The following GABBR1 variants were observed in gnomAD, a reference collection of about 807,000 sequenced individuals.
The protein encoded by GABBR1 is gamma-aminobutyric acid type B receptor subunit 1.
In GABBR1, 35 loss-of-function variants were observed where a neutral mutation model predicts 117.7. The ratio of observed to expected loss-of-function variants is 0.30; its 90% CI spans 0.23 to 0.39. The LOEUF is 0.39. Ranked by LOEUF, GABBR1 falls within the 10% of genes least tolerant of loss-of-function variation. GABBR1 has a pLI of 1.00. For missense variants in GABBR1, 709 were observed against 1,241.8 expected (o/e 0.57, Z 6.45); for synonymous variants, 442 against 486.6 (o/e 0.91, Z 1.21).
Position 29,611,012 on chromosome 6 carries a change from G to A in GABBR1, c.1631-11C>T, listed in dbSNP as rs773319475. ...TCTTGTAGCTGCCACCTGGGCAGACGACAATAAAAGGAGTGACCACAGGTA... is the reference window on the plus strand; with the variant it reads ...TCTTGTAGCTGCCACCTGGGCAGACAACAATAAAAGGAGTGACCACAGGTA... On this transcript the variant is annotated splice_polypyrimidine_tract_variant and intron_variant, in intron 13 of 22. Transcript: ENST00000377034. This position sits in a 1 kb window ranked among gnomAD's most constrained non-coding sequence, Gnocchi z 4.6. 5.6e-6 allele frequency: 9 copies of A among 1,609,464 alleles called. No individual in the cohort carries two copies. The highest frequency in any genetic ancestry group is 3.3e-5 in the South Asian group (3 of 90,986).
intron 11 of GABBR1, among the ~76,000 whole-genome samples, chr6:29,615,609 T>TAA (rs28751302): frequency 2.6e-4 from 32 of 121,412 alleles, no homozygotes; most frequent in Admixed American, 9.5e-4. Context: ...ACTCTGCCTT[T>TAA]AAAAAAAAAA....
chr6:29,611,092 T>C lies in GABBR1; in HGVS notation c.1631-91A>G. On this transcript the variant is annotated intron_variant, in intron 13 of 22. Transcript: ENST00000377034. The surrounding 1 kb of genome is among the most constrained non-coding windows in gnomAD (Gnocchi z 4.6). ...CTTCCCACTTCCCTAGAGCTTTGCA[T>C]GGTTGTATCTGATTTTATTTTCACC... The C allele has an allele frequency of 3.1e-6, 3 of 980,932 alleles. No homozygotes were observed. In the East Asian group the frequency reaches 7.3e-5, roughly 24 times the overall value. 60.8% of individuals were successfully genotyped at this position (980,932 alleles called of 1,614,324 possible). A position where few individuals can be genotyped will look rare whatever the true frequency, so the allele number is the denominator to read the frequency against.
At position 29,603,403 on chromosome 6, in the gene GABBR1, G is replaced by A. The variant is rs55650674; in HGVS notation, c.*140C>T. ...ACCCAAATCAGCCCAGAACTCACAG[G>A]GGGACATGTATTTACAAGAGATGAG... On this transcript the variant is annotated 3_prime_UTR_variant, in exon 23 of 23. Transcript: ENST00000377034. 11,076 of 778,918 alleles carry A rather than the reference G, an allele frequency of 0.014. 292 individuals are homozygous for A. The highest frequency in any genetic ancestry group is 0.068 in the East Asian group (2,553 of 37,526). 48.3% of individuals were successfully genotyped at this position (778,918 alleles called of 1,614,324 possible). A position where few individuals can be genotyped will look rare whatever the true frequency, so the allele number is the denominator to read the frequency against.
Position 29,631,307 on chromosome 6 carries a change from T to A in GABBR1, c.289+89A>T, listed in dbSNP as rs1486716873. The A allele has an allele frequency of 1.8e-5, 23 of 1,308,060 alleles. No individual in the cohort carries two copies. The highest frequency in any genetic ancestry group is 1.4e-5 in the Non-Finnish European group (13 of 918,842). 81.0% of individuals were successfully genotyped at this position (1,308,060 alleles called of 1,614,324 possible). On this transcript the variant is annotated intron_variant, in intron 3 of 22. Transcript: ENST00000377034. The surrounding 1 kb of genome is among the most constrained non-coding windows in gnomAD (Gnocchi z 5.9). ...TTTGTGAATTTTGGTATACTGGATT[T>A]AAAGTGCTGACTTGCAAGCAGTAAT...
chr6:29,604,175 C>T lies in GABBR1; in HGVS notation c.2712+319G>A, dbSNP rs909213591. On this transcript the variant is annotated intron_variant, in intron 22 of 22. Coordinates refer to ENST00000377034, the MANE Select transcript of GABBR1 (RefSeq NM_001470.4). This position sits in a 1 kb window ranked among gnomAD's most constrained non-coding sequence, Gnocchi z 5.3. ...AGTGTTGACTACTAGAGGCTCACAG[C>T]TGCCTCTCTCCAGTTGTCACCTACA... Among the ~76,000 whole-genome samples, 1 of 152,106 alleles carries T rather than the reference C, an allele frequency of 6.6e-6. No homozygotes were observed. The highest frequency in any genetic ancestry group is 2.4e-5 in the African/African-American group (1 of 41,436).
intron 11 of GABBR1, among the ~76,000 whole-genome samples, chr6:29,614,600 G>C (rs950136941): frequency 3.3e-5 from 5 of 152,140 alleles, no homozygotes; most frequent in African/African-American, 1.2e-4. Flanking sequence ...AGATGCAATG[G>C]GCCTAGGTTC....
Position 29,623,547 on chromosome 6 carries a change from T to C in GABBR1, c.793-72A>G. ...CACCAAGAGTGGCCAAGAGTTCCTT[T>C]AACCCTCTTCCTGCCTTTGGGTTTC... On this transcript the variant is annotated intron_variant, in intron 7 of 22. Transcript: ENST00000377034. The surrounding 1 kb of genome is among the most constrained non-coding windows in gnomAD (Gnocchi z 6.2). 1.4e-6 allele frequency: 2 copies of C among 1,458,182 alleles called. No homozygotes were observed. The highest frequency in any genetic ancestry group is 1.9e-6 in the Non-Finnish European group (2 of 1,058,248). 90.3% of individuals were successfully genotyped at this position (1,458,182 alleles called of 1,614,324 possible).
In GABBR1 at chr6:29,621,611, G is replaced by A. The variant is rs189892158; in HGVS notation, c.1131+141C>T. ...TGTGCAGACAAGGGATGCAGTCAGA[G>A]CCAACAGACAGAGACATCCTATGAA... On this transcript the variant is annotated intron_variant, in intron 10 of 22. Coordinates refer to ENST00000377034, the MANE Select transcript of GABBR1 (RefSeq NM_001470.4). This position sits in a 1 kb window ranked among gnomAD's most constrained non-coding sequence, Gnocchi z 5.0. 2.4e-4 allele frequency: 178 copies of A among 744,948 alleles called. 1 individual carries two copies. In the African/African-American group the frequency reaches 2.9e-3, roughly 12 times the overall value. The allele number at this position is 744,948 out of a possible 1,614,324, so 46.1% of individuals were successfully genotyped here.
Position 29,607,301 on chromosome 6 carries a change from G to C in GABBR1, c.1993-83C>G. ...TAAGGATGGGCAGAACCCTAAGGGA[G>C]AGTGGGCAGGGAGCACGGGCAGGGA... On this transcript the variant is annotated intron_variant, in intron 16 of 22. Transcript: ENST00000377034. This position sits in a 1 kb window ranked among gnomAD's most constrained non-coding sequence, Gnocchi z 5.0. 2.7e-6 allele frequency: 3 copies of C among 1,111,948 alleles called. No homozygotes were observed. Among genetic ancestry groups the C allele is most frequent in the Non-Finnish European group, 4.1e-6 (3 of 734,016 alleles). 68.9% of individuals were successfully genotyped at this position (1,111,948 alleles called of 1,614,324 possible).
intron 5 of GABBR1, chr6:29,628,111 CGGGCGGGAGCTGGGGAGGCAGGAAGG>C: frequency 9.1e-6 from 1 of 109,358 alleles, no homozygotes; most frequent in Non-Finnish European, 1.4e-5. Flanking sequence ...GGTGGGGGGG[CGGGCGGGAGCTGGGGAGGCAGGAAGG>C]GGGCGGGGAG....
At position 29,630,415 on chromosome 6, in the gene GABBR1, C is replaced by T. The variant is rs376213622; in HGVS notation, c.475+43G>A. Reference sequence around the variant, plus strand: ...TTCCCACCCCACTCCCATCCTCACACAAGCGTCCTCATCAGCTGCATGCAG... The same window carrying T: ...TTCCCACCCCACTCCCATCCTCACATAAGCGTCCTCATCAGCTGCATGCAG... On this transcript the variant is annotated intron_variant, in intron 4 of 22. Coordinates refer to ENST00000377034, the MANE Select transcript of GABBR1 (RefSeq NM_001470.4). The surrounding 1 kb of genome is among the most constrained non-coding windows in gnomAD (Gnocchi z 4.9). 1 of 1,559,484 alleles carries T rather than the reference C, an allele frequency of 6.4e-7. No homozygotes were observed. Among genetic ancestry groups the T allele is most frequent in the South Asian group, 1.1e-5 (1 of 89,652 alleles).
intron 5 of GABBR1, 25 bp downstream of exon 5, chr6:29,629,062 G>A: frequency 1.2e-6 from 2 of 1,612,536 alleles, no homozygotes; most frequent in African/African-American, 1.3e-5. Flanking sequence ...ATTGCAGTGC[G>A]CGCGGTAAGG....
At position 29,621,620 on chromosome 6, in the gene GABBR1, CAG is replaced by C. The variant is rs25629; in HGVS notation, c.1131+130_1131+131del. On this transcript the variant is annotated intron_variant, in intron 10 of 22. Transcript: ENST00000377034. This position sits in a 1 kb window ranked among gnomAD's most constrained non-coding sequence, Gnocchi z 5.0. ...AAGGGATGCAGTCAGAGCCAACAGA[CAG>C]AGACATCCTATGAATCGTCACCTCA... 9,338 of 781,484 alleles carry C rather than the reference CAG, an allele frequency of 0.012. 333 individuals are homozygous for C. The highest frequency in any genetic ancestry group is 0.1 in the African/African-American group (5,973 of 57,712). The allele number at this position is 781,484 out of a possible 1,614,324, so 48.4% of individuals were successfully genotyped here.
chr6:29,625,375 T>C (rs1004485657), intron 6 of GABBR1, among the ~76,000 whole-genome samples: 6 of 152,152 alleles, frequency 3.9e-5, no homozygotes, highest in Admixed American at 2.0e-4. Context: ...ATAGGAACAA[T>C]GAGGACATAC....
rs886387298 is a variant in GABBR1, at chr6:29,623,779, G to C, written c.792+111C>G. 49 of 1,289,438 alleles carry C rather than the reference G, an allele frequency of 3.8e-5. No individual in the cohort carries two copies. The highest frequency in any genetic ancestry group is 5.2e-5 in the Non-Finnish European group (48 of 931,088). 79.9% of individuals were successfully genotyped at this position (1,289,438 alleles called of 1,614,324 possible). On this transcript the variant is annotated intron_variant, in intron 7 of 22. Coordinates refer to ENST00000377034, the MANE Select transcript of GABBR1 (RefSeq NM_001470.4). This position sits in a 1 kb window ranked among gnomAD's most constrained non-coding sequence, Gnocchi z 6.2. ...GGTCTGCAGAGGACTCTGAATCTTA[G>C]TAGCAGGTCCTCCACACTCCTTTTC...
chr6:29,606,774 C>T lies in GABBR1; in HGVS notation c.2217+123G>A. 1 of 769,762 alleles carries T rather than the reference C, an allele frequency of 1.3e-6. No homozygotes were observed. Among genetic ancestry groups the T allele is most frequent in the South Asian group, 1.7e-5 (1 of 57,638 alleles). 47.7% of individuals were successfully genotyped at this position (769,762 alleles called of 1,614,324 possible). ...TTCTAGGAAGGAAAGGAAGAGCTTC[C>T]AATACGAGGAAGGCACTCTCTCCAA... On this transcript the variant is annotated intron_variant, in intron 18 of 22. Coordinates refer to ENST00000377034, the MANE Select transcript of GABBR1 (RefSeq NM_001470.4). This position sits in a 1 kb window ranked among gnomAD's most constrained non-coding sequence, Gnocchi z 4.5.
In GABBR1 at chr6:29,603,403, G is replaced by T; in HGVS notation, c.*140C>A. 1.3e-6 allele frequency: 1 copy of T among 778,926 alleles called. No individual in the cohort carries two copies. The allele number at this position is 778,926 out of a possible 1,614,324, so 48.3% of individuals were successfully genotyped here. On this transcript the variant is annotated 3_prime_UTR_variant, in exon 23 of 23. Coordinates refer to ENST00000377034, the MANE Select transcript of GABBR1 (RefSeq NM_001470.4). ...ACCCAAATCAGCCCAGAACTCACAG[G>T]GGGACATGTATTTACAAGAGATGAG...
rs1015647192 is a variant in GABBR1 at position 29,608,730 on chromosome 6, A to G, written c.1863T>C (p.Tyr621=). 1.2e-6 allele frequency: 2 copies of G among 1,612,988 alleles called. No homozygotes were observed. Among genetic ancestry groups the G allele is most frequent in the African/African-American group, 1.3e-5 (1 of 75,060 alleles). Residue 621 remains tyrosine, a synonymous_variant, in exon 16 of 23, where the codon TAT becomes TAC. Transcript: ENST00000377034. Reference sequence around the variant, plus strand: ...TCAGGTTGGGCTGTGAGTTCTGGATATAACTAGGGCAGAGGTGGAGAGGGT... The same window carrying G: ...TCAGGTTGGGCTGTGAGTTCTGGATGTAACTAGGGCAGAGGTGGAGAGGGT... ...SFNIYNSHVR[Y]IQNSQPNLNN...
At chr6:29,610,861 G>T in intron 14 of GABBR1, 63 bp downstream of exon 14, 1 of 1,383,816 alleles carries the variant, frequency 7.2e-7, no homozygotes, top group South Asian at 1.2e-5. Context: ...TCACTCAAAG[G>T]CATGACTTTT....
Sources: gnomAD v4.1 joint callset for allele counts (sites outside exome capture counted in the v4.1 genomes callset) on GRCh38, gnomAD v4.1.1 for gene constraint, Gnocchi (gnomAD v3.1) non-coding constraint, MANE v1.5 for transcripts, NCBI Gene and HGNC (gene_info 2026-07-23, HGNC 2026-07-21) for gene names.